Variants in GABPA observed in about 807,000 individuals in gnomAD.
The protein encoded by GABPA is GA-binding protein alpha chain.
Under a neutral mutation model 59.4 loss-of-function variants are expected in GABPA, and 4 were observed. The observed-to-expected ratio is 0.07, with a 90% CI of 0.03 to 0.15. GABPA has a LOEUF of 0.15. Among genes scored for constraint, GABPA ranks in the 10% least tolerant of loss-of-function variants. The pLI is 1.00. For missense variants in GABPA, 251 were observed against 543.8 expected (o/e 0.46, Z 5.36); for synonymous variants, 164 against 183.1 (o/e 0.90, Z 0.84).
intron 6 of GABPA, among the ~76,000 whole-genome samples, chr21:25,759,455 C>G (rs71651621): frequency 0.023 from 3,565 of 152,160 alleles, 135 homozygotes; most frequent in African/African-American, 0.082. Context: ...CCTGTAACCC[C>G]AGCACTTTGG....
chr21:25,738,034 C>G (rs2035125126), intron 1 of GABPA, among the ~76,000 whole-genome samples: 1 of 152,112 alleles, frequency 6.6e-6, no homozygotes, highest in Non-Finnish European at 1.5e-5. Flanking sequence ...TCCTGTTAAC[C>G]AATTTGAGAA....
At chr21:25,754,155 A>T (rs2035579377) in intron 5 of GABPA, among the ~76,000 whole-genome samples, 1 of 152,200 alleles carries the variant, frequency 6.6e-6, no homozygotes, top group Non-Finnish European at 1.5e-5. Context: ...AATCTTTTCT[A>T]ATTTTTTATA....
Position 25,770,958 on chromosome 21 carries a change from CAGATTATT to C in GABPA, c.*1729_*1736del, listed in dbSNP as rs2035998119. 1 of 151,934 alleles carries C rather than the reference CAGATTATT, an allele frequency of 6.6e-6. No homozygotes were observed. Among genetic ancestry groups the C allele is most frequent in the Non-Finnish European group, 1.5e-5 (1 of 67,898 alleles). The allele number at this position is 151,934 out of a possible 1,614,324, so 9.4% of individuals were successfully genotyped here. ...ACTTTTTTGAAAGAGAATATATGGA[CAGATTATT>C]AGTACAATTTGGGCACTGTGGTTTT... On this transcript the variant is annotated 3_prime_UTR_variant, in exon 10 of 10. Transcript: ENST00000400075.
intron 6 of GABPA, among the ~76,000 whole-genome samples, chr21:25,758,580 C>T (rs1435434652): frequency 6.6e-6 from 1 of 152,194 alleles, no homozygotes; most frequent in African/African-American, 2.4e-5. Context: ...GTTTGATCAG[C>T]TCTTACATTT....
At chr21:25,766,663 G>T (rs1183553637) in intron 9 of GABPA, among the ~76,000 whole-genome samples, 1 of 151,842 alleles carries the variant, frequency 6.6e-6, no homozygotes, top group Non-Finnish European at 1.5e-5. Flanking sequence ...TCACCCCCTA[G>T]AGTGGCTACA....
Position 25,735,218 on chromosome 21 carries a change from A to C in GABPA, c.-387A>C, listed in dbSNP as rs769265937. 3 of 590,300 alleles carry C rather than the reference A, an allele frequency of 5.1e-6. No individual in the cohort carries two copies. Among genetic ancestry groups the C allele is most frequent in the Non-Finnish European group, 9.1e-6 (3 of 328,784 alleles). 36.6% of individuals were successfully genotyped at this position (590,300 alleles called of 1,614,324 possible). A position where few individuals can be genotyped will look rare whatever the true frequency, so the allele number is the denominator to read the frequency against. On this transcript the variant is annotated 5_prime_UTR_variant, in exon 1 of 10. Transcript: ENST00000400075. ...CCTAGTTCAAGCTCCCCTCCGAGTC[A>C]GCGTCCTGTTCGTTAGGGTTATCGA...
intron 5 of GABPA, among the ~76,000 whole-genome samples, chr21:25,755,626 C>T (rs1235419678): frequency 2.0e-5 from 3 of 152,042 alleles, no homozygotes; most frequent in African/African-American, 7.2e-5. Flanking sequence ...GAGACGGTCT[C>T]ACTCTTCAGT....
Sources: gnomAD v4.1 joint callset for allele counts (sites outside exome capture counted in the v4.1 genomes callset) on GRCh38, gnomAD v4.1.1 for gene constraint, MANE v1.5 for transcripts, NCBI Gene and HGNC (gene_info 2026-07-23, HGNC 2026-07-21) for gene names.